ACACA: variants seen among roughly 807,000 people sequenced by gnomAD.
ACACA encodes the protein acetyl-CoA carboxylase alpha.
ACACA carries 103 observed loss-of-function variants against 296.1 expected under a neutral mutation model. The ratio of observed to expected loss-of-function variants is 0.35; its 90% CI spans 0.30 to 0.41. The LOEUF is 0.41. Among genes scored for constraint, ACACA ranks in the 10% least tolerant of loss-of-function variants. The pLI is 1.00. For synonymous variants in ACACA, 953 were observed against 1,038.6 expected, an observed-to-expected ratio of 0.92 and a Z score of 1.58; for missense variants, 1,554 against 2,989.7, an observed-to-expected ratio of 0.52 and a Z score of 11.20.
At chr17:37,284,697 G>T in intron 4 of ACACA, 141 bp downstream of exon 4, 1 of 995,126 alleles carries the variant, frequency 1.0e-6, no homozygotes, top group South Asian at 1.3e-5. Context: ...TGCTAGGGAG[G>T]CAGAAAGGCT....
chr17:37,321,751 A>AAAAT (rs113147953), intron 3 of ACACA, among the ~76,000 whole-genome samples: 1,638 of 151,702 alleles, frequency 0.011, 36 homozygotes, highest in African/African-American at 0.036. Context: ...CCATCTCAAA[A>AAAAT]AAATAAATAA....
chr17:37,213,348 CAAAAAAAA>C (rs11353673), intron 29 of ACACA, among the ~76,000 whole-genome samples: 4,485 of 78,668 alleles, frequency 0.057, 187 homozygotes, highest in African/African-American at 0.14. Context: ...AAGTAAGTCT[CAAAAAAAA>C]AAAAAAAAAA....
intron 1 of ACACA, chr17:37,365,852 G>A (rs1277987842): frequency 4.4e-6 from 2 of 456,614 alleles, no homozygotes; most frequent in South Asian, 1.9e-4. Context: ...TGGCATTTCT[G>A]CTCTCACTCC....
At chr17:37,375,359 C>T (rs777371846) in intron 1 of ACACA, among the ~76,000 whole-genome samples, 4 of 151,982 alleles carry the variant, frequency 2.6e-5, no homozygotes, top group Admixed American at 6.6e-5. Context: ...TGGTAGTGGG[C>T]GCCTGTAGTC....
chr17:37,239,319 A>ATATATTGCTTTATTACTTTCTAGCTCT (rs2080274903), intron 24 of ACACA, among the ~76,000 whole-genome samples: 2 of 152,184 alleles, frequency 1.3e-5, no homozygotes, highest in Non-Finnish European at 2.9e-5. Context: ...ATAATGGCAG[A>ATATATTGCTTTATTACTTTCTAGCTCT]TATATTGCTT....
In ACACA at chr17:37,175,821, T is replaced by C. The variant is rs572021194; in HGVS notation, c.5079+3439A>G. ...AAAATGTGTTCTCCTATACCTTTCA[T>C]CATGCATTAGGTGGTACTCCTTTAG... On this transcript the variant is annotated intron_variant, in intron 41 of 55. Coordinates refer to ENST00000616317, the MANE Select transcript of ACACA (RefSeq NM_198834.3). 2.0e-3 allele frequency among the ~76,000 whole-genome samples: 308 copies of C among 152,334 alleles called. 3 individuals carry two copies. The highest frequency in any genetic ancestry group is 7.3e-3 in the African/African-American group (302 of 41,580).
intron 15 of ACACA, 80 bp from the exon 16 acceptor site, chr17:37,252,188 T>G: frequency 8.6e-7 from 1 of 1,156,796 alleles, no homozygotes; most frequent in Non-Finnish European, 1.3e-6. Context: ...AGGCTCAAAT[T>G]TGTTGTGATG....
intron 4 of ACACA, 119 bp from the exon 5 acceptor site, chr17:37,283,524 C>G: frequency 7.8e-7 from 1 of 1,285,692 alleles, no homozygotes. Flanking sequence ...TACTTTCAAC[C>G]AAGAATTCTT....
At chr17:37,260,310 T>A (rs1193512030) in intron 11 of ACACA, among the ~76,000 whole-genome samples, 9 of 105,034 alleles carry the variant, frequency 8.6e-5, no homozygotes, top group African/African-American at 3.3e-4. Flanking sequence ...TTTTTTTTTT[T>A]TTTTTTGGAG....
intron 1 of ACACA, among the ~76,000 whole-genome samples, chr17:37,383,135 C>G (rs2050377662): frequency 6.6e-6 from 1 of 152,182 alleles, no homozygotes; most frequent in Non-Finnish European, 1.5e-5. Context: ...ACATGTGACA[C>G]CTTGCTGTCC....
At chr17:37,381,011 C>T (rs1460400975) in intron 1 of ACACA, among the ~76,000 whole-genome samples, 1 of 151,908 alleles carries the variant, frequency 6.6e-6, no homozygotes, top group Non-Finnish European at 1.5e-5. Context: ...TTCTCCAGTT[C>T]TCTATCCCTG....
intron 54 of ACACA, among the ~76,000 whole-genome samples, chr17:37,095,592 G>A (rs1222386063): frequency 6.6e-6 from 1 of 152,062 alleles, no homozygotes; most frequent in Non-Finnish European, 1.5e-5. Flanking sequence ...TGTGGGCCAG[G>A]ACCCTTCAAG....
chr17:37,340,641 G>T (rs2048337211), intron 1 of ACACA, among the ~76,000 whole-genome samples: 1 of 152,124 alleles, frequency 6.6e-6, no homozygotes, highest in Admixed American at 6.6e-5. Flanking sequence ...CTTCCGAGAG[G>T]ACCCCTAAAT....
At chr17:37,234,866 A>T in intron 25 of ACACA, 109 bp downstream of exon 25, 1 of 1,269,160 alleles carries the variant, frequency 7.9e-7, no homozygotes, top group Non-Finnish European at 1.1e-6. Context: ...TTCATCCCAT[A>T]ATTATAAAAG....
intron 1 of ACACA, among the ~76,000 whole-genome samples, chr17:37,371,328 C>T (rs1401345924): frequency 6.6e-6 from 1 of 151,890 alleles, no homozygotes; most frequent in African/African-American, 2.4e-5. Flanking sequence ...ATCCACCTAA[C>T]TCAGCCTCCC....
At chr17:37,331,212 G>A (rs959494821) in intron 2 of ACACA, among the ~76,000 whole-genome samples, 1 of 151,588 alleles carries the variant, frequency 6.6e-6, no homozygotes, top group Non-Finnish European at 1.5e-5. Flanking sequence ...CCGCCTCCCG[G>A]GTTCATGCCA....
At chr17:37,328,769 C>T (rs1270373327) in intron 3 of ACACA, 2 of 397,504 alleles carry the variant, frequency 5.0e-6, no homozygotes, top group African/African-American at 4.1e-5. Context: ...ACAACAGCCA[C>T]CCTAACTTAT....
At chr17:37,110,133 T>G (rs2073903485) in intron 52 of ACACA, among the ~76,000 whole-genome samples, 1 of 152,186 alleles carries the variant, frequency 6.6e-6, no homozygotes, top group South Asian at 2.1e-4. Context: ...ATGATGCAAT[T>G]TGCTGTGTCC....
At chr17:37,310,727 G>C (rs1255805905) in intron 3 of ACACA, among the ~76,000 whole-genome samples, 3 of 145,506 alleles carry the variant, frequency 2.1e-5, no homozygotes, top group African/African-American at 7.6e-5. Context: ...CCCAGAGGCA[G>C]AGGTTGCAGA....
Sources: allele counts gnomAD v4.1 joint callset (sites outside exome capture counted in the v4.1 genomes callset), GRCh38; gene constraint gnomAD v4.1.1; transcripts MANE v1.5; gene names NCBI Gene and HGNC (gene_info 2026-07-23, HGNC 2026-07-21).